NOS1AP: variants seen among roughly 807,000 people sequenced by gnomAD.
NOS1AP encodes the protein carboxyl-terminal PDZ ligand of neuronal nitric oxide synthase protein.
A neutral mutation model predicts 56.2 loss-of-function variants in NOS1AP; 21 were observed. The observed-to-expected ratio is 0.37, with a 90% CI of 0.26 to 0.54. The LOEUF (loss-of-function observed/expected upper bound fraction) is 0.54, where lower values mean the gene tolerates loss of function less well. NOS1AP is among the 20% of genes least tolerant of loss of function. The pLI is 0.84. For missense variants in NOS1AP, 522 were observed against 657.8 expected (o/e 0.79, Z 2.26); for synonymous variants, 270 against 274.6 (o/e 0.98, Z 0.17).
At chr1:162,352,682 C>T (rs1047740811) in intron 6 of NOS1AP, among the ~76,000 whole-genome samples, 1 of 152,104 alleles carries the variant, frequency 6.6e-6, no homozygotes, top group African/African-American at 2.4e-5. Flanking sequence ...TGTGTCCTCA[C>T]AGGGTGGAAA....
In NOS1AP at chr1:162,337,623, G is replaced by A. The variant is rs1178155484; in HGVS notation, c.453+4498G>A. On this transcript the variant is annotated intron_variant, in intron 5 of 9. Coordinates refer to ENST00000361897, the MANE Select transcript of NOS1AP (RefSeq NM_014697.3). ...ATTAACTGTCCACAGTCACCCAGTT[G>A]GTTCTGACAGCACTGGGATTGTAAC... Among the ~76,000 whole-genome samples the A allele has an allele frequency of 2.0e-5, 3 of 152,166 alleles. No homozygotes were observed. The East Asian group carries it at 5.8e-4, about 29-fold the overall frequency.
At chr1:162,112,482 A>G (rs1032370449) in intron 1 of NOS1AP, among the ~76,000 whole-genome samples, 2 of 152,164 alleles carry the variant, frequency 1.3e-5, no homozygotes, top group African/African-American at 4.8e-5. Flanking sequence ...GTTTATCTCT[A>G]AACAAGTTGA....
chr1:162,263,712 A>G (rs1307104678), intron 2 of NOS1AP, among the ~76,000 whole-genome samples: 2 of 152,096 alleles, frequency 1.3e-5, no homozygotes, highest in East Asian at 3.9e-4. Flanking sequence ...ACTTCTTCTG[A>G]CCAAATTCTA....
chr1:162,223,859 A>G (rs2101660512), intron 2 of NOS1AP, among the ~76,000 whole-genome samples: 1 of 152,368 alleles, frequency 6.6e-6, no homozygotes, highest in East Asian at 1.9e-4. Context: ...AAGCATTTCA[A>G]TACTATACAT....
intron 4 of NOS1AP, among the ~76,000 whole-genome samples, chr1:162,304,136 T>G (rs1193113634): frequency 1.3e-5 from 2 of 152,160 alleles, no homozygotes; most frequent in Admixed American, 1.3e-4. Context: ...ATTCAATTTT[T>G]TATGTGGTAT....
intron 2 of NOS1AP, among the ~76,000 whole-genome samples, chr1:162,179,436 C>T (rs1288248631): frequency 6.6e-6 from 1 of 152,158 alleles, no homozygotes; most frequent in Admixed American, 6.5e-5. Flanking sequence ...AACAATTCTA[C>T]AGCCATTGCC....
intron 2 of NOS1AP, among the ~76,000 whole-genome samples, chr1:162,246,063 G>A (rs139233070): frequency 1.1e-4 from 16 of 152,248 alleles, no homozygotes; most frequent in Non-Finnish European, 1.6e-4. Context: ...CAATTCTATC[G>A]AAAGAGTAAA....
At chr1:162,182,256 ACC>A (rs1651288265) in intron 2 of NOS1AP, among the ~76,000 whole-genome samples, 1 of 152,194 alleles carries the variant, frequency 6.6e-6, no homozygotes, top group Non-Finnish European at 1.5e-5. Context: ...ATGTCATTGA[ACC>A]TTATAATCGG....
At chr1:162,283,194 T>C (rs771331047) in intron 2 of NOS1AP, among the ~76,000 whole-genome samples, 9 of 151,922 alleles carry the variant, frequency 5.9e-5, no homozygotes, top group Non-Finnish European at 1.0e-4. Context: ...AAAAATCAGG[T>C]ATTTTCAAAC....
chr1:162,324,416 C>CTTTTTTTTTTTTTTTTTTTTTTTTTTT (rs35946766), intron 4 of NOS1AP, among the ~76,000 whole-genome samples: 4 of 72,148 alleles, frequency 5.5e-5, no homozygotes, highest in Non-Finnish European at 8.3e-5. Flanking sequence ...GGACACTAGC[C>CTTTTTTTTTTTTTTTTTTTTTTTTTTT]TTTTTTTTTT....
intron 2 of NOS1AP, among the ~76,000 whole-genome samples, chr1:162,195,165 G>A (rs1651764988): frequency 1.3e-5 from 2 of 152,210 alleles, no homozygotes; most frequent in South Asian, 4.1e-4. Flanking sequence ...AATATATAAA[G>A]TACTTAGTAT....
chr1:162,141,233 T>C (rs1219272528), intron 1 of NOS1AP, among the ~76,000 whole-genome samples: 1 of 152,264 alleles, frequency 6.6e-6, no homozygotes, highest in East Asian at 1.9e-4. Context: ...TCATAAATGA[T>C]GAAGCTGAGG....
intron 4 of NOS1AP, among the ~76,000 whole-genome samples, chr1:162,313,447 A>G (rs1043835238): frequency 5.9e-5 from 9 of 152,200 alleles, no homozygotes. Flanking sequence ...GTTCTAAATT[A>G]TCCTGTTTTT....
chr1:162,274,922 C>A (rs1444672717), intron 2 of NOS1AP, among the ~76,000 whole-genome samples: 2 of 152,184 alleles, frequency 1.3e-5, no homozygotes, highest in African/African-American at 4.8e-5. Context: ...TTGTCTACAG[C>A]TGTTGAGATT....
intron 1 of NOS1AP, among the ~76,000 whole-genome samples, chr1:162,103,138 T>C (rs1571012309): frequency 6.6e-6 from 1 of 152,236 alleles, no homozygotes; most frequent in Non-Finnish European, 1.5e-5. Context: ...GTTGTCTCTT[T>C]GTTCTCATTG....
intron 1 of NOS1AP, among the ~76,000 whole-genome samples, chr1:162,140,615 C>T (rs148458463): frequency 1.3e-5 from 2 of 152,316 alleles, no homozygotes; most frequent in East Asian, 3.9e-4. Flanking sequence ...CATATCAGTG[C>T]ATATATCTTT....
chr1:162,359,506 C>T (rs777751066), intron 8 of NOS1AP, among the ~76,000 whole-genome samples: 4 of 152,204 alleles, frequency 2.6e-5, no homozygotes, highest in Non-Finnish European at 4.4e-5. Context: ...CAGACGGATT[C>T]GGTCCTAAAC....
At chr1:162,187,469 T>C (rs1251563542) in intron 2 of NOS1AP, among the ~76,000 whole-genome samples, 2 of 152,238 alleles carry the variant, frequency 1.3e-5, no homozygotes, top group Admixed American at 6.5e-5. Flanking sequence ...ATCTTTGTAG[T>C]TACATCACAA....
intron 4 of NOS1AP, among the ~76,000 whole-genome samples, chr1:162,323,362 G>A (rs900114310): frequency 6.6e-6 from 1 of 152,244 alleles, no homozygotes; most frequent in Admixed American, 6.5e-5. Context: ...CTCCTGAACT[G>A]TGAGAAATGA....
Sources: allele counts gnomAD v4.1 joint callset (sites outside exome capture counted in the v4.1 genomes callset), GRCh38; gene constraint gnomAD v4.1.1; transcripts MANE v1.5; gene names NCBI Gene and HGNC (gene_info 2026-07-23, HGNC 2026-07-21).